Variants in SLC24A2 observed in about 807,000 individuals in gnomAD.
The protein encoded by SLC24A2 is solute carrier family 24 member 2.
Under a neutral mutation model 62.0 loss-of-function variants are expected in SLC24A2, and 36 were observed. The observed-to-expected ratio is 0.58, with a 90% CI of 0.44 to 0.77. The LOEUF is 0.77. Ranked by LOEUF, SLC24A2 falls within the 30% of genes least tolerant of loss-of-function variation. SLC24A2 has a pLI of 0.00. For missense variants in SLC24A2, 846 were observed against 817.9 expected, an observed-to-expected ratio of 1.03 and a Z score of -0.42; for synonymous variants, 358 against 294.0, an observed-to-expected ratio of 1.22 and a Z score of -2.23.
At chr9:19,803,269 G>T in the SLC24A2 span, among the ~76,000 whole-genome samples, 1 of 152,126 alleles carries the variant, frequency 6.6e-6, no homozygotes, top group East Asian at 1.9e-4. Context: ...AATTATTATT[G>T]ACAAAGCTTC....
the SLC24A2 span, among the ~76,000 whole-genome samples, chr9:20,179,328 G>C: frequency 6.6e-6 from 1 of 152,160 alleles, no homozygotes; most frequent in South Asian, 2.1e-4. Flanking sequence ...CTTGACCAAA[G>C]CACGCTAGAG....
the SLC24A2 span, among the ~76,000 whole-genome samples, chr9:19,894,525 A>G: frequency 3.9e-5 from 6 of 152,202 alleles, no homozygotes; most frequent in African/African-American, 1.4e-4. Flanking sequence ...TTTTATCTCT[A>G]GCATAATGTC....
At chr9:20,262,238 TTCCA>T in the SLC24A2 span, among the ~76,000 whole-genome samples, 4 of 152,200 alleles carry the variant, frequency 2.6e-5, no homozygotes, top group Non-Finnish European at 4.4e-5. Flanking sequence ...AGGAGAAAGA[TTCCA>T]CTGGGGTTGG....
chr9:19,612,134 C>T (rs575578349), intron 4 of SLC24A2, among the ~76,000 whole-genome samples: 2 of 152,290 alleles, frequency 1.3e-5, no homozygotes, highest in Admixed American at 1.3e-4. Flanking sequence ...TTGCAAAGCA[C>T]AGTACCTGGT....
the SLC24A2 span, among the ~76,000 whole-genome samples, chr9:20,259,851 G>C: frequency 1.1e-3 from 167 of 152,328 alleles, 1 homozygote; most frequent in Middle Eastern, 3.4e-3. Flanking sequence ...CACTTTGGGA[G>C]ACCAAGGTGG....
the SLC24A2 span, among the ~76,000 whole-genome samples, chr9:20,253,499 T>G: frequency 1.3e-5 from 2 of 152,226 alleles, no homozygotes; most frequent in East Asian, 3.8e-4. Context: ...TCACTATTGT[T>G]TATCCAAGGC....
chr9:19,787,297 A>C (rs779251750), intron 1 of SLC24A2, among the ~76,000 whole-genome samples: 16 of 152,208 alleles, frequency 1.1e-4, no homozygotes, highest in Non-Finnish European at 1.3e-4. Context: ...ATTTTGGTAA[A>C]TCCAATGTTA....
At chr9:19,987,692 T>A in the SLC24A2 span, among the ~76,000 whole-genome samples, 2 of 152,236 alleles carry the variant, frequency 1.3e-5, no homozygotes, top group African/African-American at 4.8e-5. Context: ...AAAGCCAGAA[T>A]GAAGTCATTG....
chr9:20,140,135 GTTGT>G, the SLC24A2 span, among the ~76,000 whole-genome samples: 2 of 152,210 alleles, frequency 1.3e-5, no homozygotes, highest in African/African-American at 4.8e-5. Context: ...CGGCGAGAGA[GTTGT>G]TTGTTTAGAA....
At chr9:19,894,176 C>T in the SLC24A2 span, among the ~76,000 whole-genome samples, 1 of 152,156 alleles carries the variant, frequency 6.6e-6, no homozygotes, top group Non-Finnish European at 1.5e-5. Flanking sequence ...GGGATGTGGA[C>T]TCAGGGCTAT....
chr9:20,178,035 G>T, the SLC24A2 span, among the ~76,000 whole-genome samples: 4 of 152,050 alleles, frequency 2.6e-5, no homozygotes, highest in Non-Finnish European at 4.4e-5. Flanking sequence ...GTAAATGACT[G>T]TATCACTTAC....
At chr9:19,862,767 C>T in the SLC24A2 span, among the ~76,000 whole-genome samples, 2 of 151,890 alleles carry the variant, frequency 1.3e-5, no homozygotes, top group Non-Finnish European at 2.9e-5. Flanking sequence ...TTGTTATCAG[C>T]TTAAAATAAT....
chr9:20,020,075 A>G, the SLC24A2 span, among the ~76,000 whole-genome samples: 1 of 152,152 alleles, frequency 6.6e-6, no homozygotes, highest in Non-Finnish European at 1.5e-5. Flanking sequence ...GAAACAACAG[A>G]TACTGGAGAG....
At chr9:19,572,136 G>T (rs952863366) in intron 7 of SLC24A2, among the ~76,000 whole-genome samples, 8 of 151,658 alleles carry the variant, frequency 5.3e-5, no homozygotes, top group African/African-American at 1.9e-4. Flanking sequence ...AGCCGGGTGT[G>T]GTGGTGCGAG....
chr9:19,794,177 C>T, the SLC24A2 span, among the ~76,000 whole-genome samples: 20 of 152,246 alleles, frequency 1.3e-4, no homozygotes, highest in Non-Finnish European at 2.4e-4. Flanking sequence ...TATTCACTTA[C>T]GAGGTAAGAA....
At chr9:19,867,257 T>G in the SLC24A2 span, among the ~76,000 whole-genome samples, 1 of 152,182 alleles carries the variant, frequency 6.6e-6, no homozygotes, top group Non-Finnish European at 1.5e-5. Flanking sequence ...TGATAGTCCA[T>G]CATTTTTTCT....
the SLC24A2 span, among the ~76,000 whole-genome samples, chr9:19,842,981 C>T: frequency 2.3e-4 from 35 of 152,246 alleles, no homozygotes; most frequent in African/African-American, 6.5e-4. Flanking sequence ...TATCCCCCAG[C>T]TGATTGTAGG....
the SLC24A2 span, among the ~76,000 whole-genome samples, chr9:20,044,087 C>G: frequency 6.6e-6 from 1 of 152,044 alleles, no homozygotes; most frequent in African/African-American, 2.4e-5. Flanking sequence ...AAGATTATAA[C>G]TCACTGAAGG....
chr9:20,163,654 A>G, the SLC24A2 span, among the ~76,000 whole-genome samples: 1 of 152,158 alleles, frequency 6.6e-6, no homozygotes, highest in East Asian at 1.9e-4. Context: ...ATGGAACCAC[A>G]AAAGAGCCCG....
Sources: allele counts gnomAD v4.1 joint callset (sites outside exome capture counted in the v4.1 genomes callset), GRCh38; gene constraint gnomAD v4.1.1; transcripts MANE v1.5; gene names NCBI Gene and HGNC (gene_info 2026-07-23, HGNC 2026-07-21).